EVC2: variants seen among roughly 807,000 people sequenced by gnomAD.
EVC2 encodes the protein limbin.
EVC2 carries 148 observed loss-of-function variants against 149.3 expected under a neutral mutation model. The observed-to-expected ratio is 0.99, with a 90% CI of 0.87 to 1.14. EVC2 has a LOEUF of 1.14. Among genes scored for constraint, EVC2 ranks in the 50% most tolerant of loss-of-function variants. EVC2 has a pLI of 0.00. For synonymous variants in EVC2, 776 were observed against 649.9 expected, an observed-to-expected ratio of 1.19 and a Z score of -2.95; for missense variants, 1,854 against 1,627.3, an observed-to-expected ratio of 1.14 and a Z score of -2.40.
chr4:5,593,722 G>C (rs1441212189), intron 16 of EVC2, among the ~76,000 whole-genome samples: 2 of 152,148 alleles, frequency 1.3e-5, no homozygotes, highest in Admixed American at 6.5e-5. Context: ...CTGGGCGCAG[G>C]ACAGTGGGTA....
At chr4:5,608,679 G>A (rs575501515) in intron 16 of EVC2, among the ~76,000 whole-genome samples, 1 of 152,146 alleles carries the variant, frequency 6.6e-6, no homozygotes, top group East Asian at 1.9e-4. Flanking sequence ...GATTACAAGT[G>A]TGCACCACCA....
At chr4:5,564,771 T>C (rs1011404567) in intron 21 of EVC2, among the ~76,000 whole-genome samples, 5 of 152,164 alleles carry the variant, frequency 3.3e-5, no homozygotes, top group African/African-American at 4.8e-5. Context: ...GAAAAAGGCA[T>C]TGGGGTGAAG....
At chr4:5,653,493 A>G (rs1718286628) in intron 9 of EVC2, among the ~76,000 whole-genome samples, 1 of 152,208 alleles carries the variant, frequency 6.6e-6, no homozygotes, top group Admixed American at 6.5e-5. Flanking sequence ...AAACTGCTTT[A>G]TCTTCAGGTT....
At chr4:5,666,898 T>C (rs748543814) in intron 7 of EVC2, among the ~76,000 whole-genome samples, 2 of 152,228 alleles carry the variant, frequency 1.3e-5, no homozygotes, top group African/African-American at 2.4e-5. Flanking sequence ...AGTTCTCAGT[T>C]TGACTGATAG....
chr4:5,570,287 C>T (rs544368903), intron 19 of EVC2, among the ~76,000 whole-genome samples: 1 of 152,332 alleles, frequency 6.6e-6, no homozygotes, highest in South Asian at 2.1e-4. Context: ...TCACCTCTTC[C>T]TGAGGCAGGG....
In EVC2 at chr4:5,633,861, C is replaced by T. The variant is rs971353021; in HGVS notation, c.1471-1829G>A. On this transcript the variant is annotated intron_variant, in intron 10 of 21. Coordinates refer to ENST00000344408, the MANE Select transcript of EVC2 (RefSeq NM_147127.5). The surrounding 1 kb of genome is among the most constrained non-coding windows in gnomAD (Gnocchi z 4.4). Reference sequence around the variant, plus strand: ...TTTCCCAAGTCACAGACCTGCTCACCTCCACTTCCAATAACTCACAGAAGC... The same window carrying T: ...TTTCCCAAGTCACAGACCTGCTCACTTCCACTTCCAATAACTCACAGAAGC... Among the ~76,000 whole-genome samples the T allele has an allele frequency of 1.3e-5, 2 of 152,238 alleles. No homozygotes were observed. The highest frequency in any genetic ancestry group is 4.8e-5 in the African/African-American group (2 of 41,458).
rs540868615 is a variant in EVC2 at position 5,639,376 on chromosome 4, T to C, written c.1470+1138A>G. 3.3e-5 allele frequency among the ~76,000 whole-genome samples: 5 copies of C among 152,286 alleles called. No individual in the cohort carries two copies. The East Asian group carries it at 5.8e-4, about 18-fold the overall frequency. On this transcript the variant is annotated intron_variant, in intron 10 of 21. Transcript: ENST00000344408. Reference sequence around the variant, plus strand: ...TTGATTTGGTATATTCAGGAAAAACTCTAGTTCTTTCAAGGCAGCAACTGA... The same window carrying C: ...TTGATTTGGTATATTCAGGAAAAACCCTAGTTCTTTCAAGGCAGCAACTGA...
intron 16 of EVC2, among the ~76,000 whole-genome samples, chr4:5,612,943 A>G (rs984032212): frequency 6.8e-6 from 1 of 147,684 alleles, no homozygotes; most frequent in Admixed American, 6.7e-5. Flanking sequence ...AAAAAAAAAA[A>G]AAAAAAGAAA....
At chr4:5,581,845 C>T (rs1711830347) in intron 17 of EVC2, among the ~76,000 whole-genome samples, 1 of 152,212 alleles carries the variant, frequency 6.6e-6, no homozygotes, top group Non-Finnish European at 1.5e-5. Context: ...AGCCTTGGGA[C>T]CCTGCTCCCT....
chr4:5,575,249 C>A (rs1386486815), intron 18 of EVC2, among the ~76,000 whole-genome samples: 1 of 152,216 alleles, frequency 6.6e-6, no homozygotes, highest in African/African-American at 2.4e-5. Flanking sequence ...TGCAAGTCAG[C>A]TTTGTGGATC....
intron 16 of EVC2, among the ~76,000 whole-genome samples, chr4:5,591,256 C>G (rs941564643): frequency 3.3e-5 from 5 of 152,194 alleles, no homozygotes; most frequent in Non-Finnish European, 4.4e-5. Context: ...TCTCTAAGTG[C>G]CTGTTTTCAG....
At chr4:5,700,443 T>C (rs2151742559) in intron 1 of EVC2, among the ~76,000 whole-genome samples, 1 of 152,308 alleles carries the variant, frequency 6.6e-6, no homozygotes, top group African/African-American at 2.4e-5. Flanking sequence ...CTGCTGCTTG[T>C]TAGGCACTGT....
intron 16 of EVC2, among the ~76,000 whole-genome samples, chr4:5,598,944 T>G (rs1271650597): frequency 1.3e-5 from 2 of 152,166 alleles, no homozygotes; most frequent in African/African-American, 2.4e-5. Flanking sequence ...AGAAGACATT[T>G]ATGCAGCCAA....
rs562949709 is a variant in EVC2, at chr4:5,677,467, G to C, written c.870+3793C>G. Among the ~76,000 whole-genome samples, 2 of 152,166 alleles carry C rather than the reference G, an allele frequency of 1.3e-5. No individual in the cohort carries two copies. Among genetic ancestry groups the C allele is most frequent in the Admixed American group, 6.5e-5 (1 of 15,282 alleles). ...CTGGTGTGGCTGAAATCCAGCCCCA[G>C]CTCCACGGCCAGGACTTGCATCCAC... is the stretch of plus-strand genomic sequence containing the variant. On this transcript the variant is annotated intron_variant, in intron 7 of 21. Transcript: ENST00000344408. The surrounding 1 kb of genome is among the most constrained non-coding windows in gnomAD (Gnocchi z 4.3).
intron 16 of EVC2, among the ~76,000 whole-genome samples, chr4:5,591,453 T>C (rs974359265): frequency 6.6e-6 from 1 of 152,186 alleles, no homozygotes; most frequent in Non-Finnish European, 1.5e-5. Context: ...GTGGTCTCCA[T>C]CTTCCCCTCT....
At chr4:5,549,009 C>T (rs867328944) in intron 21 of EVC2, among the ~76,000 whole-genome samples, 35 of 135,682 alleles carry the variant, frequency 2.6e-4, no homozygotes, top group Admixed American at 1.5e-4. Flanking sequence ...TCCCTCCCTC[C>T]CTGAATAGAC....
In EVC2 at chr4:5,576,253, G is replaced by A. The variant is rs1722919007; in HGVS notation, c.3259C>T (p.Gln1087Ter). 1 of 1,614,024 alleles carries A rather than the reference G, an allele frequency of 6.2e-7. No homozygotes were observed. The highest frequency in any genetic ancestry group is 1.1e-5 in the South Asian group (1 of 91,084). Residue 1087 changes from glutamine to a stop codon, truncating the protein, a stop_gained, in exon 18 of 22, where the codon CAA becomes TAA. Coordinates refer to ENST00000344408, the MANE Select transcript of EVC2 (RefSeq NM_147127.5). LOFTEE classifies it high-confidence loss of function. This position sits in a 1 kb window ranked among gnomAD's most constrained non-coding sequence, Gnocchi z 4.5. ...CACACGGCATACCACTGCTGATGTT[G>A]CTCCAGTAATGTCTGGCTCTTGCTC... is the stretch of plus-strand genomic sequence containing the variant. ...ALSKSQTLLE[Q>*]HQQCLREEQQ...
downstream of EVC2, among the ~76,000 whole-genome samples, chr4:5,540,943 T>C (rs1431558440): frequency 1.3e-5 from 2 of 152,188 alleles, no homozygotes; most frequent in Non-Finnish European, 2.9e-5. Context: ...CAGAGCTTCT[T>C]TTCAGAGAAG....
Position 5,562,612 on chromosome 4 carries a change from G to A in EVC2, c.*236C>T. 7 of 1,400,468 alleles carry A rather than the reference G, an allele frequency of 5.0e-6. No individual in the cohort carries two copies. The highest frequency in any genetic ancestry group is 6.5e-6 in the Non-Finnish European group (7 of 1,078,990). 86.8% of individuals were successfully genotyped at this position (1,400,468 alleles called of 1,614,324 possible). ...GTCTCCTCCAGGGCCCTGGGGAGGTGGGGCTGAAAGAAGGAGTGTTTATGT... is the reference window on the plus strand; with the variant it reads ...GTCTCCTCCAGGGCCCTGGGGAGGTAGGGCTGAAAGAAGGAGTGTTTATGT... On this transcript the variant is annotated 3_prime_UTR_variant, in exon 22 of 22. Coordinates refer to ENST00000344408, the MANE Select transcript of EVC2 (RefSeq NM_147127.5). The surrounding 1 kb of genome is among the most constrained non-coding windows in gnomAD (Gnocchi z 4.3).
Sources: gnomAD v4.1 joint callset for allele counts (sites outside exome capture counted in the v4.1 genomes callset) on GRCh38, gnomAD v4.1.1 for gene constraint, Gnocchi (gnomAD v3.1) non-coding constraint, MANE v1.5 for transcripts, NCBI Gene and HGNC (gene_info 2026-07-23, HGNC 2026-07-21) for gene names.